Variants in USP32 observed in about 807,000 individuals in gnomAD.
USP32 encodes ubiquitin carboxyl-terminal hydrolase 32.
A neutral mutation model predicts 204.8 loss-of-function variants in USP32; 59 were observed. The ratio of observed to expected loss-of-function variants is 0.29; its 90% CI spans 0.23 to 0.36. USP32 has a LOEUF of 0.36. USP32 is among the 10% of genes least tolerant of loss of function. USP32 has a pLI of 1.00. For missense variants in USP32, 1,160 were observed against 1,946.4 expected (o/e 0.60, Z 7.60); for synonymous variants, 517 against 678.4 (o/e 0.76, Z 3.70).
At chr17:60,325,972 CA>C (rs374347100) in intron 2 of USP32, among the ~76,000 whole-genome samples, 3,096 of 58,328 alleles carry the variant, frequency 0.053, 31 homozygotes, top group African/African-American at 0.12. Context: ...GACTCTGTCT[CA>C]AAAAAAAAAA....
intron 11 of USP32, among the ~76,000 whole-genome samples, chr17:60,250,997 C>T (rs879353109): frequency 8.6e-5 from 13 of 150,734 alleles, no homozygotes; most frequent in Non-Finnish European, 1.6e-4. Context: ...GGCTGGAATG[C>T]AATGGCATAA....
intron 1 of USP32, among the ~76,000 whole-genome samples, chr17:60,354,834 T>A (rs1356616497): frequency 6.6e-6 from 1 of 152,122 alleles, no homozygotes; most frequent in Non-Finnish European, 1.5e-5. Flanking sequence ...TCGCTTAAGG[T>A]CAGGAGTTCG....
At chr17:60,265,787 AG>A (rs1416444292) in intron 8 of USP32, among the ~76,000 whole-genome samples, 188 bp downstream of exon 8, 1 of 152,230 alleles carries the variant, frequency 6.6e-6, no homozygotes, top group African/African-American at 2.4e-5. Flanking sequence ...TATTTTACAT[AG>A]TTCAGTTTAA....
chr17:60,228,398 A>G (rs984663265), intron 12 of USP32, among the ~76,000 whole-genome samples: 2 of 152,144 alleles, frequency 1.3e-5, no homozygotes, highest in Admixed American at 1.3e-4. Flanking sequence ...CCTAAGTGTT[A>G]ATTTTCTTAA....
intron 2 of USP32, among the ~76,000 whole-genome samples, chr17:60,303,031 A>G (rs1394239421): frequency 6.6e-6 from 1 of 152,168 alleles, no homozygotes; most frequent in African/African-American, 2.4e-5. Flanking sequence ...TATATTAGTC[A>G]CCAAATTATA....
chr17:60,314,565 G>A (rs2087929837), intron 2 of USP32, among the ~76,000 whole-genome samples: 1 of 151,872 alleles, frequency 6.6e-6, no homozygotes, highest in African/African-American at 2.4e-5. Context: ...CTGGGGGTGG[G>A]GGGAGGAAAG....
intron 2 of USP32, among the ~76,000 whole-genome samples, chr17:60,320,640 A>G (rs1417944120): frequency 2.6e-5 from 4 of 152,244 alleles, no homozygotes. Flanking sequence ...TGTTTTTTTC[A>G]TCAACATTAT....
intron 9 of USP32, among the ~76,000 whole-genome samples, chr17:60,260,782 A>G (rs1434279973): frequency 1.3e-5 from 2 of 152,154 alleles, no homozygotes; most frequent in East Asian, 3.9e-4. Flanking sequence ...CAATTTTTAA[A>G]TATAGAACAC....
At chr17:60,220,414 T>G (rs2085213346) in intron 15 of USP32, among the ~76,000 whole-genome samples, 1 of 152,212 alleles carries the variant, frequency 6.6e-6, no homozygotes, top group African/African-American at 2.4e-5. Flanking sequence ...ATTTACTACG[T>G]TCTACTTGCG....
chr17:60,331,594 A>G (rs987290444), intron 2 of USP32, among the ~76,000 whole-genome samples: 1 of 144,000 alleles, frequency 6.9e-6, no homozygotes, highest in Non-Finnish European at 1.5e-5. Flanking sequence ...CTTTAATATT[A>G]AAAAATCTGC....
chr17:60,281,819 A>G (rs114159398), intron 5 of USP32, among the ~76,000 whole-genome samples: 2,411 of 152,198 alleles, frequency 0.016, 62 homozygotes, highest in African/African-American at 0.055. Context: ...CATCAAAATC[A>G]CCCTGGAGGT....
In USP32 at chr17:60,369,043, G is replaced by GACA. The variant is rs1439192772; in HGVS notation, c.58+22838_58+22839insTGT. Among the ~76,000 whole-genome samples the GACA allele has an allele frequency of 3.8e-4, 48 of 126,318 alleles. No individual in the cohort carries two copies. In the East Asian group the frequency reaches 8.7e-3, roughly 23 times the overall value. The allele number at this position is 126,318 out of a possible 152,430, so 82.9% of individuals were successfully genotyped here. On this transcript the variant is annotated intron_variant, in intron 1 of 33. Transcript: ENST00000300896. ...GGAGTCTCGCTCTGTCGCCCAGGCT[G>GACA]GAGTGCAGTGGCGGGATCTCGGCTC...
rs768511776 is a variant in USP32, at chr17:60,205,502, G to A, written c.3194C>T (p.Pro1065Leu). The stretch of plus-strand genomic sequence containing the variant: ...TGTAAAGGGGCTGTCAGGAAGAGAT[G>A]GCATGTGACCATTAACCATTCCATT... ...FTNGMVNGHM[P>L]SLPDSPFTGY... Residue 1065 changes from proline (P) to leucine (L), a missense_variant, in exon 26 of 34, where the codon CCA (proline) becomes CTA (leucine). By Grantham distance (98) the Pro-to-Leu change is moderately conservative (BLOSUM62 -3). This residue lies in a region of USP32 where 160 missense variants were observed against 322.5 expected (regional missense o/e 0.50). Coordinates refer to ENST00000300896, the MANE Select transcript of USP32 (RefSeq NM_032582.4). The A allele has an allele frequency of 6.2e-7, 1 of 1,613,736 alleles. No homozygotes were observed. The highest frequency in any genetic ancestry group is 8.5e-7 in the Non-Finnish European group (1 of 1,179,710).
intron 13 of USP32, among the ~76,000 whole-genome samples, chr17:60,224,618 C>A (rs1365290478): frequency 1.3e-5 from 2 of 152,104 alleles, no homozygotes; most frequent in East Asian, 3.9e-4. Context: ...CTCGTCTCTA[C>A]AAAACAATTA....
exon 1 of USP32, chr17:60,422,343 C>A: frequency 1.1e-6 from 1 of 927,018 alleles, no homozygotes; most frequent in Non-Finnish European, 1.5e-6. Context: ...TTCGCTCGAC[C>A]CCGCACATCT....
At position 60,284,601 on chromosome 17, in the gene USP32, A is replaced by G. The variant is rs781779712; in HGVS notation, c.571+3922T>C. Among the ~76,000 whole-genome samples, 117 of 152,220 alleles carry G rather than the reference A, an allele frequency of 7.7e-4. 2 individuals are homozygous for G. The highest frequency in any genetic ancestry group is 1.5e-4 in the Non-Finnish European group (10 of 68,050). On this transcript the variant is annotated intron_variant, in intron 5 of 33. Coordinates refer to ENST00000300896, the MANE Select transcript of USP32 (RefSeq NM_032582.4). ...CCAAAAAAAGATGATTTTCAAATAA[A>G]ACGGAGCCATTTTTAACATATTGAA...
intron 26 of USP32, 92 bp downstream of exon 26, chr17:60,205,355 A>T: frequency 6.8e-7 from 1 of 1,466,530 alleles, no homozygotes; most frequent in Non-Finnish European, 9.0e-7. Flanking sequence ...AAGAGAAGAA[A>T]ATACATTCAA....
chr17:60,302,462 C>G (rs1350669851), intron 2 of USP32, among the ~76,000 whole-genome samples: 1 of 152,210 alleles, frequency 6.6e-6, no homozygotes, highest in Non-Finnish European at 1.5e-5. Context: ...ACATTTAAAA[C>G]AGTCTAGGCT....
chr17:60,391,913 T>G lies in USP32; in HGVS notation c.27A>C (p.Gly9=). Residue 9 remains glycine (G), a synonymous_variant, in exon 1 of 34, where the codon GGA becomes GGC. Coordinates refer to ENST00000300896, the MANE Select transcript of USP32 (RefSeq NM_032582.4). ...TCAGCGCCTCCTCGTAGCTGAGGAA[T>G]CCGATCCGTGACTCCTTGGCACCCA... MGAKESRI[G]FLSYEEALRR... The G allele has an allele frequency of 6.2e-7, 1 of 1,604,822 alleles. No homozygotes were observed. The highest frequency in any genetic ancestry group is 1.3e-5 in the African/African-American group (1 of 74,152).
Sources: gnomAD v4.1 joint callset for allele counts (sites outside exome capture counted in the v4.1 genomes callset) on GRCh38, gnomAD v4.1.1 for gene constraint, gnomAD v4.1.1 regional missense constraint, MANE v1.5 for transcripts, NCBI Gene and HGNC (gene_info 2026-07-23, HGNC 2026-07-21) for gene names.